The following CENPI variants were observed in gnomAD, a reference collection of about 807,000 sequenced individuals.
The protein encoded by CENPI is FSH primary response 1.
A neutral mutation model predicts 60.4 loss-of-function variants in CENPI; 4 were observed. That is an observed-to-expected ratio of 0.07 (90% CI 0.03 to 0.15). The LOEUF is 0.15. Among genes scored for constraint, CENPI ranks in the 10% least tolerant of loss-of-function variants. The probability of loss-of-function intolerance (pLI) is 1.00; values close to 1 mark genes in which losing one functional copy is unlikely to be tolerated. For missense variants in CENPI, 444 were observed against 534.5 expected (o/e 0.83, Z 1.67); for synonymous variants, 157 against 189.4 (o/e 0.83, Z 1.40).
intron 16 of CENPI, 134 bp from the exon 17 acceptor site, chrX:101,144,930 G>C: frequency 4.0e-6 from 2 of 501,056 alleles, no homozygotes; most frequent in South Asian, 8.6e-5. Flanking sequence ...TTTTTAAAAA[G>C]TGAATTATAC....
intron 6 of CENPI, among the ~76,000 whole-genome samples, chrX:101,114,017 G>A (rs1401627072): frequency 7.1e-5 from 8 of 112,004 alleles, no homozygotes; most frequent in Non-Finnish European, 3.8e-5. Flanking sequence ...AGCACTTCGG[G>A]AGGCCGAGGG....
chrX:101,177,074 G>C, the CENPI span, among the ~76,000 whole-genome samples: 1 of 111,250 alleles, frequency 9.0e-6, no homozygotes, highest in Admixed American at 9.6e-5. Context: ...GTTGACACCA[G>C]TGTTATTTTA....
chrX:101,164,135 T>C lies in CENPI; in HGVS notation c.*1168T>C, dbSNP rs769796560. Among the ~76,000 whole-genome samples the C allele has an allele frequency of 3.8e-4, 43 of 111,745 alleles. No individual in the cohort carries two copies. The highest frequency in any genetic ancestry group is 1.1e-3 in the East Asian group (4 of 3,579). On this transcript the variant is annotated 3_prime_UTR_variant, in exon 22 of 22. Coordinates refer to ENST00000682095, the MANE Select transcript of CENPI (RefSeq NM_001386188.2). ...AATTTTTGTCTTTAAGGATGCATAC[T>C]TGGGGTTCTTTTTTTTCCCCATTTA...
chrX:101,173,250 G>T, the CENPI span, among the ~76,000 whole-genome samples: 5 of 105,772 alleles, frequency 4.7e-5, no homozygotes, highest in African/African-American at 1.7e-4. Flanking sequence ...CCCTGACCTT[G>T]TGATCTGCCC....
chrX:101,117,850 A>G (rs1216632984), intron 6 of CENPI, among the ~76,000 whole-genome samples: 1 of 111,975 alleles, frequency 8.9e-6, no homozygotes, highest in African/African-American at 3.2e-5. Flanking sequence ...TTCTACTTTC[A>G]CTTTGTTTTT....
At chrX:101,099,423 G>A (rs2089385272) in intron 2 of CENPI, among the ~76,000 whole-genome samples, 1 of 89,559 alleles carries the variant, frequency 1.1e-5, no homozygotes, top group Non-Finnish European at 2.2e-5. Flanking sequence ...GACAGAGTGA[G>A]ACTGTCTCAA....
intron 15 of CENPI, among the ~76,000 whole-genome samples, chrX:101,137,245 C>T (rs760764991): frequency 1.1e-4 from 12 of 112,141 alleles, no homozygotes; most frequent in South Asian, 7.3e-4. Flanking sequence ...TTTCTTTTGT[C>T]GGAATAGATA....
rs184049547 is a variant in CENPI at position 101,132,228 on chromosome X, C to G, written c.1326C>G (p.Ser442Arg). The G allele has an allele frequency of 2.4e-4, 290 of 1,207,009 alleles. 2 individuals carry two copies. The East Asian group carries it at 3.6e-3, about 15-fold the overall frequency. Residue 442 changes from serine to arginine, a missense_variant, in exon 14 of 22, where the codon AGC becomes AGG. By Grantham distance (110) the Ser-to-Arg change is moderately radical. Coordinates refer to ENST00000682095, the MANE Select transcript of CENPI (RefSeq NM_001386188.2). ...CCTGTGAAGCATTCCTGTATAAGAG[C>G]CTTCCTCTCTGGGATGGCCTTTGTT... Reference protein sequence around the residue: ...FYSCEAFLYKSLPLWDGLCCR... With the variant: ...FYSCEAFLYKRLPLWDGLCCR...
intron 8 of CENPI, among the ~76,000 whole-genome samples, chrX:101,125,358 C>A (rs952758671): frequency 1.7e-4 from 19 of 111,666 alleles, no homozygotes; most frequent in African/African-American, 6.2e-4. Context: ...CTCTCTTGTT[C>A]TCTTTGAACT....
chrX:101,167,719 T>C (rs1602875856), downstream of CENPI, among the ~76,000 whole-genome samples: 1 of 112,166 alleles, frequency 8.9e-6, no homozygotes, highest in Non-Finnish European at 1.9e-5. Context: ...ATCAGAAGAT[T>C]CACAAAATTG....
chrX:101,121,306 T>C (rs2037867583), intron 8 of CENPI, among the ~76,000 whole-genome samples: 1 of 110,707 alleles, frequency 9.0e-6, no homozygotes, highest in African/African-American at 3.3e-5. Flanking sequence ...TTTTATTTTA[T>C]AGATGGAGTT....
At chrX:101,175,187 A>G in the CENPI span, among the ~76,000 whole-genome samples, 2 of 112,531 alleles carry the variant, frequency 1.8e-5, no homozygotes, top group East Asian at 5.6e-4. Flanking sequence ...GATTATAACA[A>G]TTATGCTATT....
intron 16 of CENPI, among the ~76,000 whole-genome samples, chrX:101,141,550 T>C: frequency 9.0e-6 from 1 of 111,317 alleles, no homozygotes; most frequent in Middle Eastern, 4.6e-3. Context: ...TCCACCATGC[T>C]GGCCAGGATG....
chrX:101,166,999 C>A (rs752501385), downstream of CENPI, among the ~76,000 whole-genome samples: 20 of 112,763 alleles, frequency 1.8e-4, no homozygotes, highest in African/African-American at 6.1e-4. Context: ...ACCTTGTGAT[C>A]TGCCTTGGCC....
rs757637761 is a variant in CENPI at position 101,148,025 on chromosome X, C to T, written c.1958C>T (p.Thr653Met). 5 of 1,186,727 alleles carry T rather than the reference C, an allele frequency of 4.2e-6. No individual in the cohort carries two copies. Among genetic ancestry groups the T allele is most frequent in the Admixed American group, 4.8e-5 (2 of 41,476 alleles). ...ACATCAATGGTTGGTTGCCTGTGGA[C>T]GTCCAAACCCTTTGGGAAAGGAATA... ...YLTSMVGCLW[T>M]SKPFGKGIYI... The change falls in exon 20 of 22, where the codon ACG becomes ATG. Residue 653 changes from threonine (T) to methionine (M), a missense_variant. Coordinates refer to ENST00000682095, the MANE Select transcript of CENPI (RefSeq NM_001386188.2).
At chrX:101,143,069 C>CA (rs5903179) in intron 16 of CENPI, among the ~76,000 whole-genome samples, 27,611 of 64,497 alleles carry the variant, frequency 0.43, 5,215 homozygotes, top group African/African-American at 0.55. Flanking sequence ...GACTCCATCT[C>CA]AAAAAAAAAA....
intron 15 of CENPI, among the ~76,000 whole-genome samples, chrX:101,135,877 C>T (rs1405843805): frequency 2.7e-5 from 3 of 111,418 alleles, no homozygotes; most frequent in African/African-American, 9.8e-5. Flanking sequence ...CCCACCACCA[C>T]ACTCGGCTAA....
intron 6 of CENPI, among the ~76,000 whole-genome samples, chrX:101,114,524 G>T (rs2089595207): frequency 8.9e-6 from 1 of 111,869 alleles, no homozygotes; most frequent in African/African-American, 3.2e-5. Flanking sequence ...TGTCTTTATA[G>T]GTTTGCCTAT....
At chrX:101,167,033 C>T (rs1008845044), downstream of CENPI, among the ~76,000 whole-genome samples, 19 of 112,824 alleles carry the variant, frequency 1.7e-4, no homozygotes, top group African/African-American at 5.5e-4. Context: ...GGATTACAGG[C>T]GTAAGCCACA....
Sources: gnomAD v4.1 joint callset for allele counts (sites outside exome capture counted in the v4.1 genomes callset) on GRCh38, gnomAD v4.1.1 for gene constraint, MANE v1.5 for transcripts, NCBI Gene and HGNC (gene_info 2026-07-23, HGNC 2026-07-21) for gene names.